Variants in VPS13B observed in about 807,000 individuals in gnomAD.
The protein encoded by VPS13B is vacuolar protein sorting 13 homolog B.
In VPS13B, 285 loss-of-function variants were observed where a neutral mutation model predicts 426.4. That is an observed-to-expected ratio of 0.67 (90% CI 0.61 to 0.74). The LOEUF is 0.74. Among genes scored for constraint, VPS13B ranks in the 30% least tolerant of loss-of-function variants. The pLI, the probability that VPS13B is intolerant of heterozygous loss-of-function variation, is 0.00. For synonymous variants in VPS13B, 1,676 were observed against 1,676.4 expected, an observed-to-expected ratio of 1.00 and a Z score of 0.01; for missense variants, 4,537 against 4,782.6, an observed-to-expected ratio of 0.95 and a Z score of 1.51.
In VPS13B at chr8:99,442,719, A is replaced by G. The variant is rs1817734764; in HGVS notation, c.3445+84A>G. ...TTGGTGTTTTTAAATGTGTCAGTGT[A>G]TAAGCAAATCAGTCTTCTCATTGAA... On this transcript the variant is annotated intron_variant, in intron 23 of 61. Transcript: ENST00000357162. 5 of 1,360,542 alleles carry G rather than the reference A, an allele frequency of 3.7e-6. No homozygotes were observed. The South Asian group carries it at 3.8e-5, about 10-fold the overall frequency. 84.3% of individuals were successfully genotyped at this position (1,360,542 alleles called of 1,614,324 possible).
In VPS13B at chr8:99,384,268, C is replaced by T. The variant is rs547184348; in HGVS notation, c.2885C>T (p.Thr962Met). Residue 962 changes from threonine to methionine, a missense_variant, in exon 20 of 62, where the codon ACG becomes ATG. By Grantham distance (81) the Thr-to-Met change is moderately conservative. Transcript: ENST00000357162. ...GTTAATATTGACCCAATCTTATATA[C>T]GTGGCTCATCTATCAGCCTCAGAAA... ...LAVNIDPILY[T>M]WLIYQPQKRT... The T allele has an allele frequency of 1.2e-4, 186 of 1,613,926 alleles. 2 individuals carry two copies. In the South Asian group the frequency reaches 1.7e-3, roughly 15 times the overall value.
intron 61 of VPS13B, among the ~76,000 whole-genome samples, chr8:99,873,561 G>A (rs920131341): frequency 3.3e-5 from 5 of 152,204 alleles, no homozygotes; most frequent in African/African-American, 4.8e-5. Flanking sequence ...CTGGAAGGTA[G>A]ATGGGCCAGT....
intron 23 of VPS13B, among the ~76,000 whole-genome samples, chr8:99,444,894 C>T (rs1345795472): frequency 6.6e-6 from 1 of 152,114 alleles, no homozygotes; most frequent in African/African-American, 2.4e-5. Context: ...AACTCCTGGG[C>T]TGCCTCAGCT....
chr8:99,415,072 T>C (rs1228060029), intron 21 of VPS13B, among the ~76,000 whole-genome samples: 1 of 152,136 alleles, frequency 6.6e-6, no homozygotes, highest in Admixed American at 6.6e-5. Flanking sequence ...TCTTTTCACA[T>C]AGTCCCATAT....
At chr8:99,202,516 T>C (rs1814391071) in intron 17 of VPS13B, among the ~76,000 whole-genome samples, 1 of 152,110 alleles carries the variant, frequency 6.6e-6, no homozygotes, top group South Asian at 2.1e-4. Context: ...AATCCATGAA[T>C]AGACCCAATA....
chr8:99,219,411 C>G (rs370013643), intron 17 of VPS13B, among the ~76,000 whole-genome samples: 20 of 152,314 alleles, frequency 1.3e-4, no homozygotes, highest in African/African-American at 4.8e-4. Flanking sequence ...TGCAGCTTGG[C>G]TTCAAGTGGC....
At chr8:99,140,668 G>A (rs72670295) in intron 12 of VPS13B, among the ~76,000 whole-genome samples, 25 of 71,752 alleles carry the variant, frequency 3.5e-4, no homozygotes, top group Admixed American at 1.5e-3. Flanking sequence ...CCTCCTCCCC[G>A]TCCTTCTCCC....
At chr8:99,196,146 G>GA (rs1346737998) in intron 17 of VPS13B, among the ~76,000 whole-genome samples, 2 of 151,952 alleles carry the variant, frequency 1.3e-5, no homozygotes, top group African/African-American at 4.8e-5. Flanking sequence ...TGGGTAATAT[G>GA]GACATTTTAA....
At position 99,146,575 on chromosome 8, in the gene VPS13B, G is replaced by A. The variant is rs533254816; in HGVS notation, c.1844-1266G>A. 1.5e-4 allele frequency among the ~76,000 whole-genome samples: 23 copies of A among 152,180 alleles called. No homozygotes were observed. The East Asian group carries it at 3.1e-3, about 20-fold the overall frequency. On this transcript the variant is annotated intron_variant, in intron 13 of 61. Coordinates refer to ENST00000357162, the MANE Select transcript of VPS13B (RefSeq NM_152564.5). The stretch of plus-strand genomic sequence containing the variant: ...AATGGAATATTGGGTTGGCTGTTTC[G>A]TTTTGTTTTTGTTTGGAGATGGGGT...
rs184503213 is a variant in VPS13B, at chr8:99,810,877, G to A, written c.8097+1347G>A. Among the ~76,000 whole-genome samples the A allele has an allele frequency of 1.8e-3, 269 of 152,240 alleles. 4 individuals carry two copies. The highest frequency in any genetic ancestry group is 1.8e-3 in the Non-Finnish European group (123 of 68,012). On this transcript the variant is annotated intron_variant, in intron 44 of 61. Transcript: ENST00000357162. Reference sequence around the variant, plus strand: ...TCCAAGTAGACAGTATAGCATAAACGAAGAGACAAATGTGGGACAAATGAG... The same window carrying A: ...TCCAAGTAGACAGTATAGCATAAACAAAGAGACAAATGTGGGACAAATGAG...
At chr8:99,027,689 CTA>C (rs1842209666) in intron 2 of VPS13B, among the ~76,000 whole-genome samples, 1 of 151,698 alleles carries the variant, frequency 6.6e-6, no homozygotes, top group African/African-American at 2.4e-5. Context: ...GTCTCTTGGC[CTA>C]TGTTTCTGCT....
intron 17 of VPS13B, among the ~76,000 whole-genome samples, chr8:99,201,171 T>A (rs974210077): frequency 6.6e-6 from 1 of 152,106 alleles, no homozygotes; most frequent in East Asian, 1.9e-4. Context: ...ATAAGAAATG[T>A]GTATATGTTT....
At chr8:99,806,278 A>T (rs1813394265) in intron 43 of VPS13B, among the ~76,000 whole-genome samples, 1 of 152,100 alleles carries the variant, frequency 6.6e-6, no homozygotes, top group East Asian at 1.9e-4. Flanking sequence ...GCCAGTTGAG[A>T]TGGTTAACCT....
chr8:99,569,463 A>G (rs1588504217), intron 31 of VPS13B, among the ~76,000 whole-genome samples: 1 of 151,852 alleles, frequency 6.6e-6, no homozygotes, highest in East Asian at 1.9e-4. Flanking sequence ...AAAAAAAAGA[A>G]AAAAGAATTG....
At chr8:99,197,740 T>C (rs1425203837) in intron 17 of VPS13B, among the ~76,000 whole-genome samples, 1 of 152,190 alleles carries the variant, frequency 6.6e-6, no homozygotes, top group African/African-American at 2.4e-5. Flanking sequence ...CCAAATCTTA[T>C]ACTTCAGCTG....
rs530438843 is a variant in VPS13B, at chr8:99,455,169, A to T, written c.3446-12245A>T. 9.2e-5 allele frequency among the ~76,000 whole-genome samples: 14 copies of T among 152,310 alleles called. No homozygotes were observed. In the South Asian group the frequency reaches 1.2e-3, roughly 14 times the overall value. Reference sequence around the variant, plus strand: ...CAAGCATTTGGTGTTAGGTGTAAAAAGTCATCAAAAAGTCAGGGTTATCTA... The same window carrying T: ...CAAGCATTTGGTGTTAGGTGTAAAATGTCATCAAAAAGTCAGGGTTATCTA... On this transcript the variant is annotated intron_variant, in intron 23 of 61. Transcript: ENST00000357162.
chr8:99,168,210 A>G (rs1421820700), intron 15 of VPS13B, among the ~76,000 whole-genome samples: 1 of 152,132 alleles, frequency 6.6e-6, no homozygotes, highest in Non-Finnish European at 1.5e-5. Flanking sequence ...ACCTGGTTGA[A>G]TGTTTTCTTA....
At chr8:99,044,963 C>T (rs1435540231) in intron 3 of VPS13B, among the ~76,000 whole-genome samples, 2 of 137,374 alleles carry the variant, frequency 1.5e-5, no homozygotes, top group South Asian at 2.8e-4. Flanking sequence ...GTTGGTTCCA[C>T]ATTTTTGCAA....
intron 19 of VPS13B, among the ~76,000 whole-genome samples, chr8:99,349,104 C>T (rs1458717469): frequency 6.6e-6 from 1 of 150,980 alleles, no homozygotes; most frequent in African/African-American, 2.4e-5. Flanking sequence ...GAGGCCGAGG[C>T]GGGCGGATCA....
Sources: allele counts gnomAD v4.1 joint callset (sites outside exome capture counted in the v4.1 genomes callset), GRCh38; gene constraint gnomAD v4.1.1; transcripts MANE v1.5; gene names NCBI Gene and HGNC (gene_info 2026-07-23, HGNC 2026-07-21).